The following NKD1 variants were observed in gnomAD, a reference collection of about 807,000 sequenced individuals.
The protein encoded by NKD1 is NKD inhibitor of Wnt signaling pathway 1, also known as protein naked cuticle homolog 1.
A neutral mutation model predicts 56.0 loss-of-function variants in NKD1; 21 were observed. That is an observed-to-expected ratio of 0.38 (90% CI 0.27 to 0.54). NKD1 has a LOEUF of 0.54. NKD1 is among the 20% of genes least tolerant of loss of function. The pLI is 0.82. For missense variants in NKD1, 578 were observed against 642.7 expected, an observed-to-expected ratio of 0.90 and a Z score of 1.09; for synonymous variants, 263 against 265.7, an observed-to-expected ratio of 0.99 and a Z score of 0.10.
chr16:50,568,266 AC>A (rs1567336419), intron 3 of NKD1, among the ~76,000 whole-genome samples: 1 of 152,224 alleles, frequency 6.6e-6, no homozygotes, highest in Admixed American at 6.5e-5. Context: ...AGGGTGTTGA[AC>A]AGGGAAGAGA....
chr16:50,607,418 A>G (rs754053941), intron 3 of NKD1: 93 of 162,728 alleles, frequency 5.7e-4, no homozygotes, highest in Non-Finnish European at 9.9e-4. Context: ...TATTTTCACA[A>G]AGAGAAGTTG....
intron 8 of NKD1, 78 bp downstream of exon 8, chr16:50,630,988 T>G: frequency 1.6e-6 from 2 of 1,215,270 alleles, no homozygotes; most frequent in Non-Finnish European, 2.3e-6. Context: ...GAGCAGGAAG[T>G]TTTGCTCTGG....
intron 3 of NKD1, among the ~76,000 whole-genome samples, chr16:50,599,565 A>G (rs1053698108): frequency 6.6e-6 from 1 of 152,178 alleles, no homozygotes; most frequent in African/African-American, 2.4e-5. Flanking sequence ...GATGCCCCTA[A>G]CGTGCTTCAT....
At chr16:50,586,254 A>G (rs996681171) in intron 3 of NKD1, among the ~76,000 whole-genome samples, 6 of 152,146 alleles carry the variant, frequency 3.9e-5, no homozygotes, top group Middle Eastern at 3.4e-3. Flanking sequence ...ACTTGTAGAT[A>G]CCAGCACGTG....
Position 50,632,691 on chromosome 16 carries a change from G to A in NKD1, c.823+283G>A, listed in dbSNP as rs1384696365. ...CCCAGCCCACCCAAGCCCTGTTCCC[G>A]GGGCAACCACTTTGACCTCTCCTGG... is the stretch of plus-strand genomic sequence containing the variant. On this transcript the variant is annotated intron_variant, in intron 9 of 9. Coordinates refer to ENST00000268459, the MANE Select transcript of NKD1 (RefSeq NM_033119.5). This position sits in a 1 kb window ranked among gnomAD's most constrained non-coding sequence, Gnocchi z 4.1. 2.1e-5 allele frequency among the ~76,000 whole-genome samples: 3 copies of A among 141,038 alleles called. No homozygotes were observed. The highest frequency in any genetic ancestry group is 4.6e-5 in the Non-Finnish European group (3 of 64,568). The allele number at this position is 141,038 out of a possible 152,430, so 92.5% of individuals were successfully genotyped here. A position where few individuals can be genotyped will look rare whatever the true frequency, so the allele number is the denominator to read the frequency against.
rs923404820 is a variant in NKD1, at chr16:50,633,829, G to A, written c.*48G>A. On this transcript the variant is annotated 3_prime_UTR_variant, in exon 10 of 10. Coordinates refer to ENST00000268459, the MANE Select transcript of NKD1 (RefSeq NM_033119.5). This position sits in a 1 kb window ranked among gnomAD's most constrained non-coding sequence, Gnocchi z 4.9. ...CTGCCATATGAAGGACCCCACCCCC[G>A]ACACCACAAGGCATTATTATTCTAT... The A allele has an allele frequency of 1.2e-5, 10 of 844,284 alleles. No individual in the cohort carries two copies. In the East Asian group the frequency reaches 1.4e-4, roughly 12 times the overall value. 52.3% of individuals were successfully genotyped at this position (844,284 alleles called of 1,614,324 possible).
chr16:50,549,324 G>T lies in NKD1; in HGVS notation c.59-98G>T, dbSNP rs1379536347. ...AACCCCCTCCTGGCCCCCGTGCCGTGGTCCTTCGCCTCCCACCGCGCCTCC... is the reference window on the plus strand; with the variant it reads ...AACCCCCTCCTGGCCCCCGTGCCGTTGTCCTTCGCCTCCCACCGCGCCTCC... On this transcript the variant is annotated intron_variant, in intron 2 of 9. Coordinates refer to ENST00000268459, the MANE Select transcript of NKD1 (RefSeq NM_033119.5). The T allele has an allele frequency of 4.8e-6, 7 of 1,465,464 alleles. No individual in the cohort carries two copies. In the African/African-American group the frequency reaches 7.1e-5, roughly 15 times the overall value. The allele number at this position is 1,465,464 out of a possible 1,614,324, so 90.8% of individuals were successfully genotyped here.
chr16:50,606,582 C>T (rs1007327189), intron 3 of NKD1: 1 of 350,752 alleles, frequency 2.9e-6, no homozygotes, highest in Non-Finnish European at 5.7e-6. Flanking sequence ...CACATGCGGT[C>T]ATTGTCATAG....
intron 3 of NKD1, among the ~76,000 whole-genome samples, chr16:50,592,614 A>G (rs1329750513): frequency 1.3e-5 from 2 of 152,232 alleles, no homozygotes; most frequent in Admixed American, 6.5e-5. Context: ...GCAAGCCACA[A>G]GTAGTTGTCT....
At position 50,623,347 on chromosome 16, in the gene NKD1, C is replaced by T. The variant is rs941472303; in HGVS notation, c.366+1639C>T. Among the ~76,000 whole-genome samples, 14 of 152,108 alleles carry T rather than the reference C, an allele frequency of 9.2e-5. No individual in the cohort carries two copies. The highest frequency in any genetic ancestry group is 3.9e-4 in the East Asian group (2 of 5,158). On this transcript the variant is annotated intron_variant, in intron 5 of 9. Transcript: ENST00000268459. The surrounding 1 kb of genome is among the most constrained non-coding windows in gnomAD (Gnocchi z 4.1). Reference sequence around the variant, plus strand: ...CCAGCCTCCAAGAGGCTTGAAGGCTCGCCTGAGGAGGATAGGTAGTATCTA... The same window carrying T: ...CCAGCCTCCAAGAGGCTTGAAGGCTTGCCTGAGGAGGATAGGTAGTATCTA...
intron 3 of NKD1, among the ~76,000 whole-genome samples, chr16:50,592,333 G>A (rs1013116401): frequency 6.6e-6 from 1 of 152,228 alleles, no homozygotes; most frequent in African/African-American, 2.4e-5. Context: ...CCCACTGGGG[G>A]TGGGTCCTAG....
intron 4 of NKD1, among the ~76,000 whole-genome samples, chr16:50,620,396 T>C (rs1962059004): frequency 6.6e-6 from 1 of 152,194 alleles, no homozygotes; most frequent in African/African-American, 2.4e-5. Flanking sequence ...AGCGGCCTCA[T>C]TTCTCCAGGC....
chr16:50,585,985 C>T (rs996735258), intron 3 of NKD1, among the ~76,000 whole-genome samples: 10 of 152,140 alleles, frequency 6.6e-5, no homozygotes, highest in African/African-American at 1.9e-4. Context: ...CTAGGCATTG[C>T]TCTAAGGTTT....
chr16:50,579,588 C>T (rs1308484330), intron 3 of NKD1, among the ~76,000 whole-genome samples: 2 of 126,366 alleles, frequency 1.6e-5, no homozygotes, highest in African/African-American at 3.5e-5. Flanking sequence ...CTTAGTCCTG[C>T]GGGCTACCCG....
At position 50,635,347 on chromosome 16, in the gene NKD1, C is replaced by G. The variant is rs1374553087; in HGVS notation, c.*1566C>G. On this transcript the variant is annotated 3_prime_UTR_variant, in exon 10 of 10. Coordinates refer to ENST00000268459, the MANE Select transcript of NKD1 (RefSeq NM_033119.5). The surrounding 1 kb of genome is among the most constrained non-coding windows in gnomAD (Gnocchi z 4.1). ...GCCCCCTCAATCCATTGGCTGAGGC[C>G]GCTGGAAGCCACCGGGCCAAGGGAG... The G allele has an allele frequency of 6.6e-6, 1 of 152,332 alleles. No homozygotes were observed. The highest frequency in any genetic ancestry group is 2.4e-5 in the African/African-American group (1 of 41,450). 9.4% of individuals were successfully genotyped at this position (152,332 alleles called of 1,614,324 possible). A position where few individuals can be genotyped will look rare whatever the true frequency, so the allele number is the denominator to read the frequency against.
At chr16:50,548,869 A>G (rs1190261198) in intron 2 of NKD1, 120 bp downstream of exon 2, 1 of 1,164,130 alleles carries the variant, frequency 8.6e-7, no homozygotes, top group Admixed American at 4.3e-5. Flanking sequence ...AGTTCCGGCC[A>G]CCGGCCCCCC....
Position 50,598,003 on chromosome 16 carries a change from C to G in NKD1, c.193-10291C>G, listed in dbSNP as rs1186288070. Reference sequence around the variant, plus strand: ...CTGGCAGTAGAGGGAGGAGGGCGCTCCGGGTGAAGGGGACAGGATGGTCCA... The same window carrying G: ...CTGGCAGTAGAGGGAGGAGGGCGCTGCGGGTGAAGGGGACAGGATGGTCCA... On this transcript the variant is annotated intron_variant, in intron 3 of 9. Coordinates refer to ENST00000268459, the MANE Select transcript of NKD1 (RefSeq NM_033119.5). This position sits in a 1 kb window ranked among gnomAD's most constrained non-coding sequence, Gnocchi z 4.2. Among the ~76,000 whole-genome samples, 1 of 152,062 alleles carries G rather than the reference C, an allele frequency of 6.6e-6. No individual in the cohort carries two copies. Among genetic ancestry groups the G allele is most frequent in the Non-Finnish European group, 1.5e-5 (1 of 68,000 alleles).
intron 3 of NKD1, among the ~76,000 whole-genome samples, chr16:50,560,691 T>C (rs1684958285): frequency 6.6e-6 from 1 of 151,812 alleles, no homozygotes; most frequent in African/African-American, 2.4e-5. Flanking sequence ...ATCAATTTAG[T>C]GACCAAAATG....
rs1350437107 is a variant in NKD1 at position 50,638,940 on chromosome 16, G to T, written c.*5159G>T. The T allele has an allele frequency of 6.6e-6, 1 of 152,164 alleles. No homozygotes were observed. The highest frequency in any genetic ancestry group is 1.5e-5 in the Non-Finnish European group (1 of 68,042). The allele number at this position is 152,164 out of a possible 1,614,324, so 9.4% of individuals were successfully genotyped here. On this transcript the variant is annotated 3_prime_UTR_variant, in exon 10 of 10. Coordinates refer to ENST00000268459, the MANE Select transcript of NKD1 (RefSeq NM_033119.5). ...CTGGTACATTTAGCCCATGAGCCTGGCACAGATCCCTATCTAGACATGAGG... is the reference window on the plus strand; with the variant it reads ...CTGGTACATTTAGCCCATGAGCCTGTCACAGATCCCTATCTAGACATGAGG...
Sources: gnomAD v4.1 joint callset for allele counts (sites outside exome capture counted in the v4.1 genomes callset) on GRCh38, gnomAD v4.1.1 for gene constraint, Gnocchi (gnomAD v3.1) non-coding constraint, MANE v1.5 for transcripts, NCBI Gene and HGNC (gene_info 2026-07-23, HGNC 2026-07-21) for gene names.